The following CCSER1 variants were observed in gnomAD, a reference collection of about 807,000 sequenced individuals.
The protein encoded by CCSER1 is serine-rich coiled-coil domain-containing protein 1.
CCSER1 carries 41 observed loss-of-function variants against 82.0 expected under a neutral mutation model. That is an observed-to-expected ratio of 0.50 (90% CI 0.39 to 0.65). CCSER1 has a LOEUF of 0.65. Among genes scored for constraint, CCSER1 ranks in the 30% least tolerant of loss-of-function variants. The pLI, the probability that CCSER1 is intolerant of heterozygous loss-of-function variation, is 0.00. For missense variants in CCSER1, 1,119 were observed against 1,064.2 expected (o/e 1.05, Z -0.72); for synonymous variants, 414 against 383.9 (o/e 1.08, Z -0.92).
intron 5 of CCSER1, among the ~76,000 whole-genome samples, chr4:90,540,413 T>A (rs920259019): frequency 1.1e-4 from 17 of 152,038 alleles, no homozygotes; most frequent in African/African-American, 4.1e-4. Flanking sequence ...AGATCTGCAT[T>A]TTTACTTATG....
At chr4:90,585,838 A>G (rs549423811) in intron 5 of CCSER1, among the ~76,000 whole-genome samples, 12 of 152,300 alleles carry the variant, frequency 7.9e-5, no homozygotes, top group African/African-American at 2.4e-4. Context: ...TACTACTGAT[A>G]AAAATAATTA....
intron 6 of CCSER1, among the ~76,000 whole-genome samples, chr4:90,663,121 G>A (rs564999767): frequency 1.1e-4 from 16 of 152,150 alleles, no homozygotes; most frequent in African/African-American, 3.9e-4. Context: ...TTTTTCATAT[G>A]CAATATTTTG....
intron 10 of CCSER1, among the ~76,000 whole-genome samples, chr4:91,170,550 G>A (rs944105482): frequency 5.9e-5 from 9 of 152,266 alleles, no homozygotes; most frequent in East Asian, 1.9e-4. Context: ...AATAGAACCC[G>A]ATTCAAGGCA....
chr4:90,234,699 A>G lies in CCSER1; in HGVS notation c.-41-73545A>G, dbSNP rs72659484. The stretch of plus-strand genomic sequence containing the variant: ...CTCTGCTAAGTTATTTATTTAAATT[A>G]TCTCATTAAACATTATCACAATCAT... On this transcript the variant is annotated intron_variant, in intron 1 of 10. Coordinates refer to ENST00000509176, the MANE Select transcript of CCSER1 (RefSeq NM_001145065.2). Among the ~76,000 whole-genome samples the G allele has an allele frequency of 1.3e-3, 199 of 152,296 alleles. 1 individual carries two copies. The highest frequency in any genetic ancestry group is 2.1e-3 in the Non-Finnish European group (146 of 68,012).
chr4:90,956,518 A>G, intron 9 of CCSER1, among the ~76,000 whole-genome samples: 1 of 152,278 alleles, frequency 6.6e-6, no homozygotes, highest in Non-Finnish European at 1.5e-5. Flanking sequence ...TTTTTAAATT[A>G]ATTTACCTAT....
intron 4 of CCSER1, among the ~76,000 whole-genome samples, chr4:90,464,860 G>A (rs1342473379): frequency 1.3e-5 from 2 of 152,124 alleles, no homozygotes; most frequent in Admixed American, 1.3e-4. Flanking sequence ...AATTTTTTAT[G>A]CATTATTAAC....
At chr4:90,841,082 A>T (rs192368353) in intron 8 of CCSER1, among the ~76,000 whole-genome samples, 1 of 152,288 alleles carries the variant, frequency 6.6e-6, no homozygotes, top group Non-Finnish European at 1.5e-5. Flanking sequence ...GTAAGTTGTC[A>T]CTAAATGATG....
rs1459572233 is a variant in CCSER1, at chr4:90,271,858, ATATATTTTTTTTTT to A, written c.-41-36384_-41-36371del. Among the ~76,000 whole-genome samples, 7 of 24,392 alleles carry A rather than the reference ATATATTTTTTTTTT, an allele frequency of 2.9e-4. No homozygotes were observed. In the East Asian group the frequency reaches 0.011, roughly 39 times the overall value. The allele number at this position is 24,392 out of a possible 152,430, so 16.0% of individuals were successfully genotyped here. A position where few individuals can be genotyped will look rare whatever the true frequency, so the allele number is the denominator to read the frequency against. The stretch of plus-strand genomic sequence containing the variant: ...TATATATATATATATATATATATAT[ATATATTTTTTTTTT>A]TTTTTTTTTTTTTTTTTTAAAAGGA... On this transcript the variant is annotated intron_variant, in intron 1 of 10. Transcript: ENST00000509176.
intron 5 of CCSER1, among the ~76,000 whole-genome samples, chr4:90,473,732 G>A (rs1425310778): frequency 6.6e-6 from 1 of 152,120 alleles, no homozygotes; most frequent in East Asian, 1.9e-4. Context: ...CACCTCTTTA[G>A]ACTCTCTAAA....
intron 5 of CCSER1, among the ~76,000 whole-genome samples, chr4:90,625,983 C>T (rs564689540): frequency 6.6e-6 from 1 of 152,122 alleles, no homozygotes; most frequent in East Asian, 1.9e-4. Flanking sequence ...TGTGTCAGTC[C>T]TCATGGGTGT....
At chr4:90,211,171 C>T (rs1739918894) in intron 1 of CCSER1, among the ~76,000 whole-genome samples, 1 of 152,070 alleles carries the variant, frequency 6.6e-6, no homozygotes, top group African/African-American at 2.4e-5. Context: ...TTAAACTGTT[C>T]CTTGGAAGAA....
At chr4:91,197,591 CTA>C (rs1348575279) in intron 10 of CCSER1, among the ~76,000 whole-genome samples, 2 of 152,142 alleles carry the variant, frequency 1.3e-5, no homozygotes, top group African/African-American at 4.8e-5. Flanking sequence ...CCTTGGAAGA[CTA>C]TATTTCATTT....
chr4:90,812,341 C>G (rs1758460944), intron 7 of CCSER1, among the ~76,000 whole-genome samples: 1 of 152,138 alleles, frequency 6.6e-6, no homozygotes, highest in African/African-American at 2.4e-5. Flanking sequence ...TGGATCAATA[C>G]CCTGTATCCT....
At chr4:91,120,850 A>C (rs1011970229) in intron 10 of CCSER1, among the ~76,000 whole-genome samples, 1 of 151,886 alleles carries the variant, frequency 6.6e-6, no homozygotes, top group African/African-American at 2.4e-5. Flanking sequence ...CTAACAAAAT[A>C]AAACCAGGAA....
intron 8 of CCSER1, among the ~76,000 whole-genome samples, chr4:90,853,393 T>A (rs554816851): frequency 1.3e-5 from 2 of 152,280 alleles, no homozygotes; most frequent in Admixed American, 1.3e-4. Flanking sequence ...GCTCCTATAA[T>A]TCGTTTTAGT....
chr4:91,283,984 A>G (rs1020607505), intron 10 of CCSER1, among the ~76,000 whole-genome samples: 6 of 152,020 alleles, frequency 3.9e-5, no homozygotes, highest in Admixed American at 2.0e-4. Context: ...TACCTATAAT[A>G]TGTTTGTAGT....
At chr4:90,156,886 A>G (rs1469901656) in intron 1 of CCSER1, among the ~76,000 whole-genome samples, 4 of 152,112 alleles carry the variant, frequency 2.6e-5, no homozygotes, top group Admixed American at 1.3e-4. Context: ...TAAAGTTAAT[A>G]TTGTTATGTG....
intron 1 of CCSER1, among the ~76,000 whole-genome samples, chr4:90,261,905 T>C (rs1044964588): frequency 6.6e-6 from 1 of 152,168 alleles, no homozygotes; most frequent in Admixed American, 6.5e-5. Context: ...TCTGTTACAT[T>C]TTGTATTTCC....
chr4:90,370,305 G>A (rs1445732129), intron 3 of CCSER1: 1 of 151,982 alleles, frequency 6.6e-6, no homozygotes, highest in Non-Finnish European at 1.5e-5. Context: ...TAAAATTAAG[G>A]TTATAGGAAA....
Sources: gnomAD v4.1 joint callset for allele counts (sites outside exome capture counted in the v4.1 genomes callset) on GRCh38, gnomAD v4.1.1 for gene constraint, MANE v1.5 for transcripts, NCBI Gene and HGNC (gene_info 2026-07-23, HGNC 2026-07-21) for gene names.